Variants in NELL2 observed in about 807,000 individuals in gnomAD.
The protein encoded by NELL2 is protein kinase C-binding protein NELL2.
In NELL2, 41 loss-of-function variants were observed where a neutral mutation model predicts 109.6. The ratio of observed to expected loss-of-function variants is 0.37; its 90% confidence interval spans 0.29 to 0.49. The LOEUF is 0.49. Ranked by LOEUF, NELL2 falls within the 20% of genes least tolerant of loss-of-function variation. The probability of loss-of-function intolerance (pLI) is 0.98; values close to 1 mark genes in which losing one functional copy is unlikely to be tolerated. For missense variants in NELL2, 900 were observed against 1,008.3 expected (o/e 0.89, Z 1.45); for synonymous variants, 355 against 344.7 (o/e 1.03, Z -0.33).
chr12:44,859,066 G>A (rs375965612), intron 2 of NELL2, among the ~76,000 whole-genome samples: 1 of 152,064 alleles, frequency 6.6e-6, no homozygotes, highest in African/African-American at 2.4e-5. Context: ...AATTTTCCTA[G>A]TTTTCTAATC....
At chr12:44,687,254 C>CG (rs1190197943) in intron 12 of NELL2, among the ~76,000 whole-genome samples, 2 of 152,344 alleles carry the variant, frequency 1.3e-5, no homozygotes, top group South Asian at 2.1e-4. Flanking sequence ...ATGCCGCGCC[C>CG]TGCTTTGGCT....
At chr12:44,690,568 TA>T (rs913016341) in intron 12 of NELL2, among the ~76,000 whole-genome samples, 1 of 150,990 alleles carries the variant, frequency 6.6e-6, no homozygotes, top group African/African-American at 2.4e-5. Context: ...CAAAGGAGTA[TA>T]AAAACAGGAT....
At chr12:44,795,601 G>T (rs1341324884) in intron 3 of NELL2, among the ~76,000 whole-genome samples, 1 of 152,142 alleles carries the variant, frequency 6.6e-6, no homozygotes, top group African/African-American at 2.4e-5. Flanking sequence ...CGAGCAATTT[G>T]AATATGTTTT....
intron 15 of NELL2, among the ~76,000 whole-genome samples, chr12:44,544,768 T>C (rs1384125216): frequency 6.6e-6 from 1 of 152,044 alleles, no homozygotes; most frequent in Admixed American, 6.6e-5. Flanking sequence ...ATGAATGATA[T>C]GAAGATATAA....
intron 3 of NELL2, among the ~76,000 whole-genome samples, chr12:44,781,326 A>G (rs1275512634): frequency 6.6e-6 from 1 of 152,058 alleles, no homozygotes; most frequent in African/African-American, 2.4e-5. Context: ...AAGACAGAAA[A>G]AAAAGCATCC....
At chr12:44,756,294 C>T (rs1425459424) in intron 9 of NELL2, among the ~76,000 whole-genome samples, 2 of 151,614 alleles carry the variant, frequency 1.3e-5, no homozygotes, top group Non-Finnish European at 2.9e-5. Flanking sequence ...ACATGTTCAA[C>T]CTTTCTCTCT....
chr12:44,761,040 G>A (rs1449002615), intron 9 of NELL2, among the ~76,000 whole-genome samples: 4 of 152,082 alleles, frequency 2.6e-5, no homozygotes, highest in Non-Finnish European at 4.4e-5. Flanking sequence ...TTTTAAAGTG[G>A]ACAACATACA....
chr12:44,855,301 T>A (rs1036570389), intron 2 of NELL2, among the ~76,000 whole-genome samples: 10 of 152,138 alleles, frequency 6.6e-5, no homozygotes, highest in Non-Finnish European at 1.3e-4. Flanking sequence ...TCCCCAGAAA[T>A]TTAGATTCAC....
At chr12:44,854,860 T>G (rs897381909) in intron 2 of NELL2, among the ~76,000 whole-genome samples, 2 of 152,050 alleles carry the variant, frequency 1.3e-5, no homozygotes, top group African/African-American at 4.8e-5. Flanking sequence ...AAATGACTAT[T>G]CCCAACTTTT....
intron 13 of NELL2, among the ~76,000 whole-genome samples, chr12:44,615,329 A>T (rs992412465): frequency 6.6e-6 from 1 of 152,118 alleles, no homozygotes; most frequent in Non-Finnish European, 1.5e-5. Flanking sequence ...CGAGGCCCTT[A>T]TAATTTGAAT....
At position 44,508,772 on chromosome 12, in the gene NELL2, A is replaced by AT; in HGVS notation, c.*161dup. 1 of 645,972 alleles carries AT rather than the reference A, an allele frequency of 1.5e-6. No homozygotes were observed. The highest frequency in any genetic ancestry group is 2.8e-5 in the East Asian group (1 of 35,688). The allele number at this position is 645,972 out of a possible 1,614,324, so 40.0% of individuals were successfully genotyped here. Reference sequence around the variant, plus strand: ...TTGCCCCAGTAATTTTCCTTTTGTGATTTTGTCAAGCTCCACAAATTTCAT... The same window carrying AT: ...TTGCCCCAGTAATTTTCCTTTTGTGATTTTTGTCAAGCTCCACAAATTTCAT... On this transcript the variant is annotated 3_prime_UTR_variant, in exon 20 of 20. Transcript: ENST00000429094.
chr12:44,844,121 G>C (rs574596057), intron 2 of NELL2, among the ~76,000 whole-genome samples: 1 of 152,180 alleles, frequency 6.6e-6, no homozygotes, highest in Non-Finnish European at 1.5e-5. Flanking sequence ...CAAAAGAGTA[G>C]AATGCTGCAT....
intron 12 of NELL2, among the ~76,000 whole-genome samples, chr12:44,668,584 T>C (rs772477378): frequency 1.3e-5 from 2 of 151,560 alleles, no homozygotes; most frequent in Non-Finnish European, 2.9e-5. Context: ...ACTATCACAA[T>C]CTGGACATCA....
chr12:44,712,349 T>C (rs1038231302), intron 10 of NELL2, among the ~76,000 whole-genome samples: 1 of 152,012 alleles, frequency 6.6e-6, no homozygotes, highest in Non-Finnish European at 1.5e-5. Flanking sequence ...TAAGCTCTTG[T>C]CAAGAAGCTT....
intron 13 of NELL2, among the ~76,000 whole-genome samples, chr12:44,636,067 A>G (rs1946625620): frequency 1.3e-5 from 2 of 152,122 alleles, no homozygotes; most frequent in South Asian, 2.1e-4. Context: ...GAGTTCACTC[A>G]TGATTTGACT....
intron 13 of NELL2, among the ~76,000 whole-genome samples, chr12:44,664,885 A>G (rs1459476460): frequency 6.6e-6 from 1 of 152,104 alleles, no homozygotes; most frequent in East Asian, 1.9e-4. Context: ...AGAAAGCTAT[A>G]GAATAAAAGG....
intron 9 of NELL2, among the ~76,000 whole-genome samples, chr12:44,725,701 A>G (rs999837017): frequency 6.6e-6 from 1 of 152,178 alleles, no homozygotes; most frequent in Non-Finnish European, 1.5e-5. Flanking sequence ...CTGTTGTGGG[A>G]ACATGGATGG....
In NELL2 at chr12:44,875,536, G is replaced by C. The variant is rs760228629; in HGVS notation, c.56-183C>G. The C allele has an allele frequency of 1.9e-6, 3 of 1,613,730 alleles. No homozygotes were observed. In the African/African-American group the frequency reaches 4.0e-5, roughly 22 times the overall value. On this transcript the variant is annotated intron_variant, in intron 1 of 19. Transcript: ENST00000429094. ...GATCAGCAGCCAAGCTTTAAATAGCGGAGCACCCAGTCCCGTTTCCATGAC... is the reference window on the plus strand; with the variant it reads ...GATCAGCAGCCAAGCTTTAAATAGCCGAGCACCCAGTCCCGTTTCCATGAC...
intron 15 of NELL2, among the ~76,000 whole-genome samples, chr12:44,543,191 C>T (rs2139036048): frequency 6.6e-6 from 1 of 152,306 alleles, no homozygotes; most frequent in South Asian, 2.1e-4. Context: ...TCTGAAGTCT[C>T]CCTGTTCTCA....
Sources: gnomAD v4.1 joint callset for allele counts (sites outside exome capture counted in the v4.1 genomes callset) on GRCh38, gnomAD v4.1.1 for gene constraint, MANE v1.5 for transcripts, NCBI Gene and HGNC (gene_info 2026-07-23, HGNC 2026-07-21) for gene names.